Variants in GPR35 observed in about 807,000 individuals in gnomAD.
The protein encoded by GPR35 is G protein-coupled receptor 35.
For missense variants in GPR35, 372 were observed against 422.5 expected, an observed-to-expected ratio of 0.88 and a Z score of 1.05; for synonymous variants, 207 against 198.4, an observed-to-expected ratio of 1.04 and a Z score of -0.36.
intron 2 of GPR35, among the ~76,000 whole-genome samples, chr2:240,607,892 CTTTTTTGTTTT>C (rs1426843421): frequency 9.3e-5 from 14 of 150,856 alleles, no homozygotes; most frequent in Admixed American, 6.0e-4. Flanking sequence ...TTCTTCTTCT[CTTTTTTGTTTT>C]TAAATTGAGA....
At chr2:240,610,769 G>A (rs1377012052) in intron 2 of GPR35, among the ~76,000 whole-genome samples, 2 of 151,838 alleles carry the variant, frequency 1.3e-5, no homozygotes, top group African/African-American at 4.8e-5. Flanking sequence ...CAAGTAGCTG[G>A]GACTACAGGC....
upstream of GPR35, among the ~76,000 whole-genome samples, chr2:240,621,684 A>C (rs2043296522): frequency 6.6e-6 from 1 of 151,116 alleles, no homozygotes; most frequent in Non-Finnish European, 1.5e-5. Flanking sequence ...GGTCTCACTC[A>C]GGAAGGAAGT....
upstream of GPR35, among the ~76,000 whole-genome samples, chr2:240,623,458 AGGGTGCAAACAGG>A (rs2043329557): frequency 4.7e-5 from 4 of 85,506 alleles, no homozygotes; most frequent in Non-Finnish European, 5.1e-5. Context: ...ACAGGTCGTG[AGGGTGCAAACAGG>A]TCGTGAGGGC....
At chr2:240,621,021 G>A (rs955833569), upstream of GPR35, among the ~76,000 whole-genome samples, 1 of 152,172 alleles carries the variant, frequency 6.6e-6, no homozygotes, top group African/African-American at 2.4e-5. Context: ...ACCTGGTTCT[G>A]TGAAGAGGGG....
chr2:240,606,771 G>A (rs1053242536), intron 2 of GPR35, among the ~76,000 whole-genome samples: 12 of 152,222 alleles, frequency 7.9e-5, no homozygotes, highest in African/African-American at 2.7e-4. Context: ...CGGGGAGTGG[G>A]CTTGGAGAAT....
Position 240,630,283 on chromosome 2 carries a change from G to A in GPR35, c.331G>A (p.Ala111Thr), listed in dbSNP as rs542691341. Residue 111 changes from alanine (A) to threonine (T), a missense_variant, in exon 2 of 2, where the codon GCC (alanine) becomes ACC (threonine). Transcript: ENST00000407714. The stretch of plus-strand genomic sequence containing the variant: ...GAGCATCAGCCTGGTCACGGCCATC[G>A]CCGTGGACCGCTATGTGGCCGTGCG... Reference protein sequence around the residue: ...YMSISLVTAIAVDRYVAVRHP... With the variant: ...YMSISLVTAITVDRYVAVRHP... The A allele has an allele frequency of 5.0e-5, 79 of 1,565,008 alleles. No individual in the cohort carries two copies. The South Asian group carries it at 7.3e-4, about 14-fold the overall frequency.
At chr2:240,620,980 G>A (rs1032240926), upstream of GPR35, among the ~76,000 whole-genome samples, 1 of 152,220 alleles carries the variant, frequency 6.6e-6, no homozygotes, top group East Asian at 1.9e-4. Context: ...AGTGGGGGAG[G>A]GGAGTTTCCC....
chr2:240,630,973 G>A lies in GPR35; in HGVS notation c.*91G>A, dbSNP rs1255377615. 2.4e-5 allele frequency: 27 copies of A among 1,137,802 alleles called. No individual in the cohort carries two copies. Among genetic ancestry groups the A allele is most frequent in the East Asian group, 1.2e-4 (5 of 42,098 alleles). 70.5% of individuals were successfully genotyped at this position (1,137,802 alleles called of 1,614,324 possible). A position where few individuals can be genotyped will look rare whatever the true frequency, so the allele number is the denominator to read the frequency against. On this transcript the variant is annotated 3_prime_UTR_variant, in exon 2 of 2. Coordinates refer to ENST00000407714, the MANE Select transcript of GPR35 (RefSeq NM_005301.5). ...AGCTGGAACCAGTAGCAAGGAGCCCGAGATCAGCCCTGAACTCACTGTGTA... is the reference window on the plus strand; with the variant it reads ...AGCTGGAACCAGTAGCAAGGAGCCCAAGATCAGCCCTGAACTCACTGTGTA...
upstream of GPR35, among the ~76,000 whole-genome samples, chr2:240,621,323 C>T (rs933514957): frequency 6.6e-5 from 10 of 152,168 alleles, no homozygotes; most frequent in East Asian, 5.8e-4. Context: ...GGCGTGATCT[C>T]GGCTCACCAC....
At chr2:240,609,090 ATAT>A (rs1165094200) in intron 2 of GPR35, among the ~76,000 whole-genome samples, 2 of 152,034 alleles carry the variant, frequency 1.3e-5, no homozygotes, top group African/African-American at 4.8e-5. Context: ...TTTATTCCTG[ATAT>A]TAGTAATTTG....
At position 240,631,118 on chromosome 2, in the gene GPR35, C is replaced by T. The variant is rs920836892; in HGVS notation, c.*236C>T. ...GAGCAAGGCCAATGTCAGAGACCCCCGGGATGGGGCCTCACACTTGCCACC... is the reference window on the plus strand; with the variant it reads ...GAGCAAGGCCAATGTCAGAGACCCCTGGGATGGGGCCTCACACTTGCCACC... On this transcript the variant is annotated 3_prime_UTR_variant, in exon 2 of 2. Coordinates refer to ENST00000407714, the MANE Select transcript of GPR35 (RefSeq NM_005301.5). 7 of 567,656 alleles carry T rather than the reference C, an allele frequency of 1.2e-5. No individual in the cohort carries two copies. The highest frequency in any genetic ancestry group is 4.7e-4 in the Middle Eastern group (1 of 2,108). The allele number at this position is 567,656 out of a possible 1,614,324, so 35.2% of individuals were successfully genotyped here. A position where few individuals can be genotyped will look rare whatever the true frequency, so the allele number is the denominator to read the frequency against.
intron 2 of GPR35, among the ~76,000 whole-genome samples, chr2:240,615,117 TTG>T (rs559176515): frequency 1.7e-4 from 26 of 148,818 alleles, no homozygotes; most frequent in African/African-American, 2.5e-4. Flanking sequence ...ATGCCTGTGC[TTG>T]TGTGTGTGTG....
At chr2:240,608,910 G>A (rs1426178494) in intron 2 of GPR35, among the ~76,000 whole-genome samples, 1 of 152,176 alleles carries the variant, frequency 6.6e-6, no homozygotes, top group Non-Finnish European at 1.5e-5. Context: ...AACTTTAATA[G>A]ATATAAGCTT....
upstream of GPR35, among the ~76,000 whole-genome samples, chr2:240,623,860 G>T (rs1006155127): frequency 6.6e-6 from 1 of 152,228 alleles, no homozygotes; most frequent in Non-Finnish European, 1.5e-5. Context: ...CCTGCCCAGT[G>T]GGGCTTCCCT....
At chr2:240,614,855 A>T (rs2043223182) in intron 2 of GPR35, among the ~76,000 whole-genome samples, 1 of 151,802 alleles carries the variant, frequency 6.6e-6, no homozygotes, top group South Asian at 2.1e-4. Flanking sequence ...GTATATATCT[A>T]TGTATGTATA....
At chr2:240,619,391 T>C (rs2043269286) in intron 5 of GPR35, among the ~76,000 whole-genome samples, 1 of 152,264 alleles carries the variant, frequency 6.6e-6, no homozygotes, top group South Asian at 2.1e-4. Context: ...GCAGGCGTCT[T>C]GCCTGGCTCC....
intron 1 of GPR35, among the ~76,000 whole-genome samples, chr2:240,625,852 G>C (rs1308377826): frequency 2.1e-3 from 188 of 91,526 alleles, no homozygotes; most frequent in African/African-American, 2.4e-3. Flanking sequence ...GGGTGAGGCT[G>C]TGATGGGTGT....
chr2:240,620,613 C>T (rs560452038), upstream of GPR35, among the ~76,000 whole-genome samples: 5 of 152,252 alleles, frequency 3.3e-5, no homozygotes, highest in East Asian at 9.7e-4. Context: ...CCTGCTCGTC[C>T]TGCGGTGGTG....
chr2:240,624,819 G>A (rs2043350506), upstream of GPR35, among the ~76,000 whole-genome samples: 11 of 152,066 alleles, frequency 7.2e-5, no homozygotes, highest in Admixed American at 6.5e-4. Flanking sequence ...GGAGTTGGGG[G>A]CCAGGGAGAA....
Sources: allele counts gnomAD v4.1 joint callset (sites outside exome capture counted in the v4.1 genomes callset), GRCh38; gene constraint gnomAD v4.1.1; transcripts MANE v1.5; gene names NCBI Gene and HGNC (gene_info 2026-07-23, HGNC 2026-07-21).